The following PECR variants were observed in gnomAD, a reference collection of about 807,000 sequenced individuals.
PECR encodes 2,4-dienoyl-CoA reductase-related protein.
PECR carries 30 observed loss-of-function variants against 35.3 expected under a neutral mutation model. The ratio of observed to expected loss-of-function variants is 0.85; its 90% confidence interval spans 0.64 to 1.15. PECR has a LOEUF of 1.15. Ranked by LOEUF, PECR falls within the 50% of genes most tolerant of loss-of-function variation. The pLI, the probability that PECR is intolerant of heterozygous loss-of-function variation, is 0.00. For synonymous variants in PECR, 148 were observed against 138.9 expected (o/e 1.07, Z -0.46); for missense variants, 392 against 370.8 (o/e 1.06, Z -0.47).
intron 6 of PECR, among the ~76,000 whole-genome samples, chr2:216,046,306 A>ATTT (rs1249960961): frequency 4.3e-5 from 5 of 115,496 alleles, no homozygotes; most frequent in African/African-American, 2.0e-4. Flanking sequence ...ATATATATAT[A>ATTT]TATATTTTTT....
chr2:216,081,055 AT>A (rs960142348), intron 1 of PECR, among the ~76,000 whole-genome samples: 1 of 152,118 alleles, frequency 6.6e-6, no homozygotes, highest in Non-Finnish European at 1.5e-5. Flanking sequence ...AACTTTATAT[AT>A]TTTTTTAATT....
At chr2:216,080,647 A>G (rs1182688629) in intron 1 of PECR, among the ~76,000 whole-genome samples, 5 of 152,226 alleles carry the variant, frequency 3.3e-5, no homozygotes, top group Non-Finnish European at 5.9e-5. Context: ...TCATTCCTGC[A>G]TCAACACTTT....
intron 3 of PECR, among the ~76,000 whole-genome samples, chr2:216,061,673 A>C (rs1449711396): frequency 6.6e-6 from 1 of 152,228 alleles, no homozygotes; most frequent in African/African-American, 2.4e-5. Context: ...ACTGTTATGA[A>C]ATATAAAAAG....
rs755724496 is a variant in PECR at position 216,043,992 on chromosome 2, T to A, written c.738A>T (p.Leu246=). 6 of 1,609,798 alleles carry A rather than the reference T, an allele frequency of 3.7e-6. No homozygotes were observed. The South Asian group carries it at 4.4e-5, about 12-fold the overall frequency. Residue 246 remains leucine (L), a synonymous_variant, in exon 7 of 8, where the codon CTA becomes CTT. Coordinates refer to ENST00000265322, the MANE Select transcript of PECR (RefSeq NM_018441.6). ...PEEVSSVVCF[L]LSPAASFITG... ...TGATGAAGGAAGCTGCAGGAGACAGTAGGAAGCAGACCACAGAGGAGACCT... is the reference window on the plus strand; with the variant it reads ...TGATGAAGGAAGCTGCAGGAGACAGAAGGAAGCAGACCACAGAGGAGACCT...
intron 5 of PECR, among the ~76,000 whole-genome samples, chr2:216,051,227 A>G (rs553751593): frequency 6.9e-6 from 1 of 145,742 alleles, no homozygotes; most frequent in African/African-American, 2.5e-5. Context: ...TGGAAGTTAT[A>G]GTGAGCCACG....
At chr2:216,031,299 TGG>T (rs1694685746) in intron 7 of PECR, among the ~76,000 whole-genome samples, 1 of 151,642 alleles carries the variant, frequency 6.6e-6, no homozygotes, top group Non-Finnish European at 1.5e-5. Flanking sequence ...CCCAGCTACT[TGG>T]GAGGCTGAGA....
At chr2:216,029,943 C>T (rs1000816793) in intron 7 of PECR, among the ~76,000 whole-genome samples, 3 of 152,156 alleles carry the variant, frequency 2.0e-5, no homozygotes, top group Admixed American at 6.5e-5. Flanking sequence ...GGCCTGTGGT[C>T]GGTGCACATG....
Position 216,065,407 on chromosome 2 carries a change from C to A in PECR, c.329G>T (p.Gly110Val), listed in dbSNP as rs1404276213. ...GTGTTCAGCAGGGGAAAGAAACTGG[C>A]CTCCTCCATTGTTCACCAAGAAATT... ...KINFLVNNGG[G>V]QFLSPAEHIS... The change falls in exon 3 of 8, where the codon GGC becomes GTC. Residue 110 changes from glycine (G) to valine (V), a missense_variant. Physicochemically the swap from Gly to Val is moderately radical, Grantham distance 109. Transcript: ENST00000265322. The A allele has an allele frequency of 6.2e-7, 1 of 1,607,560 alleles. No individual in the cohort carries two copies. The highest frequency in any genetic ancestry group is 8.5e-7 in the Non-Finnish European group (1 of 1,173,970).
intron 6 of PECR, among the ~76,000 whole-genome samples, chr2:216,045,511 C>T (rs1421983272): frequency 6.6e-6 from 1 of 152,204 alleles, no homozygotes; most frequent in Non-Finnish European, 1.5e-5. Context: ...ATGTATTAGG[C>T]TAAGTCAAAT....
At chr2:216,042,966 C>CAT (rs568283413) in intron 7 of PECR, among the ~76,000 whole-genome samples, 1,375 of 97,510 alleles carry the variant, frequency 0.014, 64 homozygotes, top group African/African-American at 0.049. Flanking sequence ...TATATATACA[C>CAT]ATACGTATAT....
intron 1 of PECR, among the ~76,000 whole-genome samples, chr2:216,079,895 C>T (rs1286731528): frequency 4.1e-5 from 6 of 146,332 alleles, no homozygotes; most frequent in African/African-American, 9.9e-5. Flanking sequence ...GCAGGAGAAT[C>T]GCTTGAACCC....
In PECR at chr2:216,058,945, T is replaced by C. The variant is rs1695281246; in HGVS notation, c.456A>G (p.Gly152=). 1.1e-5 allele frequency: 18 copies of C among 1,610,044 alleles called. No homozygotes were observed. The highest frequency in any genetic ancestry group is 1.5e-5 in the Non-Finnish European group (18 of 1,176,418). Residue 152 remains glycine (G), a synonymous_variant, in exon 4 of 8, where the codon GGA becomes GGG. Coordinates refer to ENST00000265322, the MANE Select transcript of PECR (RefSeq NM_018441.6). ...VYSSWMKEHG[G]SIVNIIVPTK... ...TAGGGACAATGATATTGACGATAGA[T>C]CCTCCATGCTCTTTCATCCAGGAGC...
chr2:216,074,060 C>T (rs892983513), intron 1 of PECR, among the ~76,000 whole-genome samples: 1 of 152,234 alleles, frequency 6.6e-6, no homozygotes, highest in Non-Finnish European at 1.5e-5. Flanking sequence ...TTCCTCCACC[C>T]ACTTCTTTCT....
At chr2:216,030,278 G>A (rs1423532240) in intron 7 of PECR, among the ~76,000 whole-genome samples, 6 of 152,052 alleles carry the variant, frequency 3.9e-5, no homozygotes, top group African/African-American at 1.4e-4. Context: ...CTTGGTGCTG[G>A]TCTGTCTCTC....
intron 5 of PECR, among the ~76,000 whole-genome samples, chr2:216,050,116 G>A (rs190479380): frequency 1.3e-5 from 2 of 152,308 alleles, no homozygotes; most frequent in African/African-American, 4.8e-5. Flanking sequence ...CAGCTACTCA[G>A]GAGGCTGAGT....
At chr2:216,031,699 A>AAG (rs1361608055) in intron 7 of PECR, among the ~76,000 whole-genome samples, 1 of 127,490 alleles carries the variant, frequency 7.8e-6, no homozygotes, top group African/African-American at 2.8e-5. Flanking sequence ...AAGAGAAAGA[A>AAG]AGAAAGAAAG....
chr2:216,061,486 C>A (rs1171547937), intron 3 of PECR, among the ~76,000 whole-genome samples: 1 of 152,016 alleles, frequency 6.6e-6, no homozygotes, highest in Non-Finnish European at 1.5e-5. Flanking sequence ...GAATCTTAGA[C>A]AAGCGAAAAA....
intron 6 of PECR, among the ~76,000 whole-genome samples, chr2:216,046,323 T>TTTTTTTTGTTTTG (rs1694995026): frequency 7.1e-6 from 1 of 140,222 alleles, no homozygotes; most frequent in African/African-American, 2.7e-5. Flanking sequence ...TTTTTTTTTT[T>TTTTTTTTGTTTTG]TTTTTTTGAG....
Position 216,039,332 on chromosome 2 carries a change from C to T in PECR, c.855G>A (p.Gly285=). 1.2e-6 allele frequency: 2 copies of T among 1,608,408 alleles called. No homozygotes were observed. Among genetic ancestry groups the T allele is most frequent in the Non-Finnish European group, 8.5e-7 (1 of 1,174,834 alleles). The change falls in exon 8 of 8, where the codon GGG becomes GGA. Residue 285 remains glycine (G), a synonymous_variant. Coordinates refer to ENST00000265322, the MANE Select transcript of PECR (RefSeq NM_018441.6). ...TCATCTTTTTGACAACAGAAAGGTC[C>T]CCTGCTCCCTTGGGCCAGTTGTCAT... is the stretch of plus-strand genomic sequence containing the variant. The part of the protein sequence containing the change: ...PDHDNWPKGA[G]DLSVVKKMKE...
Sources: allele counts gnomAD v4.1 joint callset (sites outside exome capture counted in the v4.1 genomes callset), GRCh38; gene constraint gnomAD v4.1.1; transcripts MANE v1.5; gene names NCBI Gene and HGNC (gene_info 2026-07-23, HGNC 2026-07-21).